CNOT10: variants seen among roughly 807,000 people sequenced by gnomAD.
The protein encoded by CNOT10 is CCR4-NOT transcription complex, subunit 10.
CNOT10 carries 30 observed loss-of-function variants against 94.6 expected under a neutral mutation model. The observed-to-expected ratio is 0.32, with a 90% confidence interval of 0.24 to 0.43. The LOEUF is 0.43. CNOT10 is among the 20% of genes least tolerant of loss of function. The pLI, the probability that CNOT10 is intolerant of heterozygous loss-of-function variation, is 1.00. For synonymous variants in CNOT10, 289 were observed against 301.6 expected (o/e 0.96, Z 0.43); for missense variants, 759 against 877.2 (o/e 0.87, Z 1.70).
chr3:32,703,359 G>A (rs1470576642), intron 1 of CNOT10, among the ~76,000 whole-genome samples: 1 of 152,166 alleles, frequency 6.6e-6, no homozygotes, highest in South Asian at 2.1e-4. Flanking sequence ...AGGGTCCTCC[G>A]GTGGATACTT....
At chr3:32,755,051 A>T (rs2125622005) in intron 13 of CNOT10, among the ~76,000 whole-genome samples, 1 of 151,516 alleles carries the variant, frequency 6.6e-6, no homozygotes, top group Non-Finnish European at 1.5e-5. Context: ...GTTCGAGACC[A>T]GCCTGGCCAA....
At chr3:32,771,898 G>A (rs1700923531) in intron 18 of CNOT10, among the ~76,000 whole-genome samples, 1 of 152,196 alleles carries the variant, frequency 6.6e-6, no homozygotes, top group South Asian at 2.1e-4. Context: ...TTTACAGTAA[G>A]CCAGTTCTTG....
At chr3:32,722,010 T>C (rs576345558) in intron 8 of CNOT10, among the ~76,000 whole-genome samples, 2 of 152,294 alleles carry the variant, frequency 1.3e-5, no homozygotes, top group African/African-American at 4.8e-5. Flanking sequence ...TTGATACTAA[T>C]GATAATATGA....
At chr3:32,742,065 C>T (rs1271815365) in intron 13 of CNOT10, among the ~76,000 whole-genome samples, 3 of 151,334 alleles carry the variant, frequency 2.0e-5, no homozygotes, top group African/African-American at 4.9e-5. Context: ...AAGCAGTTCT[C>T]CTGCCTCAGC....
intron 7 of CNOT10, among the ~76,000 whole-genome samples, chr3:32,717,833 G>A (rs1057471630): frequency 2.0e-5 from 3 of 151,992 alleles, no homozygotes; most frequent in South Asian, 2.1e-4. Context: ...GTCATTTCAC[G>A]CTAGCCTGGG....
chr3:32,769,975 C>G lies in CNOT10; in HGVS notation c.2080+13C>G. ...GAACTGCAGAATGGTGAGTAATTCT[C>G]TCTGTTTAGGACTTTATCCCTTGAA... On this transcript the variant is annotated intron_variant, in intron 18 of 18. Transcript: ENST00000328834. The G allele has an allele frequency of 6.2e-7, 1 of 1,602,638 alleles. No homozygotes were observed. Among genetic ancestry groups the G allele is most frequent in the East Asian group, 2.2e-5 (1 of 44,790 alleles).
At chr3:32,692,688 A>G (rs554676733) in intron 1 of CNOT10, among the ~76,000 whole-genome samples, 4 of 152,278 alleles carry the variant, frequency 2.6e-5, no homozygotes, top group African/African-American at 7.2e-5. Context: ...GAGGGTTACA[A>G]AATGATTTTT....
chr3:32,741,026 G>A (rs1009823848), intron 13 of CNOT10, among the ~76,000 whole-genome samples: 8 of 151,888 alleles, frequency 5.3e-5, no homozygotes, highest in Admixed American at 6.6e-5. Context: ...TTATTACTAC[G>A]AAAGATCCCT....
intron 13 of CNOT10, among the ~76,000 whole-genome samples, chr3:32,744,717 C>A (rs1414103620): frequency 6.6e-6 from 1 of 152,014 alleles, no homozygotes; most frequent in Non-Finnish European, 1.5e-5. Flanking sequence ...TATAATGGAT[C>A]AAGAAAGTTA....
In CNOT10 at chr3:32,733,560, AG is replaced by A. The variant is rs1281917651; in HGVS notation, c.1337+17del. 1 of 1,473,240 alleles carries A rather than the reference AG, an allele frequency of 6.8e-7. No homozygotes were observed. The highest frequency in any genetic ancestry group is 2.3e-5 in the East Asian group (1 of 43,216). 91.3% of individuals were successfully genotyped at this position (1,473,240 alleles called of 1,614,324 possible). A position where few individuals can be genotyped will look rare whatever the true frequency, so the allele number is the denominator to read the frequency against. On this transcript the variant is annotated intron_variant, in intron 11 of 18. Coordinates refer to ENST00000328834, the MANE Select transcript of CNOT10 (RefSeq NM_015442.3). ...CTGTTTATAAGTAAGTATTTTGCAA[AG>A]AAAAAGTGTATATATATTTAATACT... is the stretch of plus-strand genomic sequence containing the variant.
rs527450804 is a variant in CNOT10 at position 32,709,045 on chromosome 3, G to A, written c.430+225G>A. On this transcript the variant is annotated intron_variant, in intron 4 of 18. Transcript: ENST00000328834. ...TAACTGTTAAAAATGCTGTTGGAAA[G>A]TGCTGAAAACACTTAGTGATGTTTG... Among the ~76,000 whole-genome samples the A allele has an allele frequency of 4.8e-4, 73 of 152,346 alleles. 1 individual carries two copies. The South Asian group carries it at 0.015, about 32-fold the overall frequency.
At chr3:32,773,006 C>T (rs542045876) in intron 18 of CNOT10, among the ~76,000 whole-genome samples, 9 of 152,286 alleles carry the variant, frequency 5.9e-5, no homozygotes, top group Admixed American at 4.6e-4. Flanking sequence ...GCTGGGACTA[C>T]AGGCATGCAC....
chr3:32,713,099 A>T, intron 4 of CNOT10, 128 bp from the exon 5 acceptor site: 1 of 659,924 alleles, frequency 1.5e-6, no homozygotes, highest in Non-Finnish European at 2.4e-6. Context: ...TCTAGGTGAT[A>T]GGCATTCATT....
intron 13 of CNOT10, chr3:32,753,177 A>G (rs1700039793): frequency 3.1e-6 from 2 of 649,106 alleles, no homozygotes; most frequent in East Asian, 3.2e-5. Context: ...TGTGAATACT[A>G]TGAAAAAAAC....
At position 32,708,694 on chromosome 3, in the gene CNOT10, G is replaced by A. The variant is rs1697734133; in HGVS notation, c.304G>A (p.Asp102Asn). The change falls in exon 4 of 19, where the codon GAT becomes AAT. Residue 102 changes from aspartate (D) to asparagine (N), a missense_variant. This residue lies in a region of CNOT10 where 682 missense variants were observed against 799.4 expected (regional missense o/e 0.85). Coordinates refer to ENST00000328834, the MANE Select transcript of CNOT10 (RefSeq NM_015442.3). ...NQVHSAVEEM[D>N]GLDDVENSML... Reference sequence around the variant, plus strand: ...GGTCCACTCAGCTGTTGAAGAAATGGATGGATTAGATGATGTTGAAAACAG... The same window carrying A: ...GGTCCACTCAGCTGTTGAAGAAATGAATGGATTAGATGATGTTGAAAACAG... 2 of 1,612,030 alleles carry A rather than the reference G, an allele frequency of 1.2e-6. No homozygotes were observed. Among genetic ancestry groups the A allele is most frequent in the Admixed American group, 1.7e-5 (1 of 59,356 alleles).
intron 7 of CNOT10, among the ~76,000 whole-genome samples, chr3:32,719,658 CT>C (rs35948264): frequency 4.6e-5 from 7 of 151,678 alleles, no homozygotes; most frequent in East Asian, 1.9e-4. Flanking sequence ...TAGAATGGCA[CT>C]TTTTTTTTCC....
At chr3:32,696,315 CA>C (rs372144615) in intron 1 of CNOT10, among the ~76,000 whole-genome samples, 104 of 132,306 alleles carry the variant, frequency 7.9e-4, no homozygotes, top group Non-Finnish European at 7.0e-4. Flanking sequence ...GACTCCGTCT[CA>C]AAAAAAAAAA....
rs577815338 is a variant in CNOT10 at position 32,718,670 on chromosome 3, T to C, written c.744+1433T>C. On this transcript the variant is annotated intron_variant, in intron 7 of 18. Transcript: ENST00000328834. ...AAAGACAATTGAAAATTAATAGTCA[T>C]CCTAAATCGGCGAAAACTTCAGGAG... 2.0e-5 allele frequency among the ~76,000 whole-genome samples: 3 copies of C among 148,854 alleles called. No homozygotes were observed. The South Asian group carries it at 6.6e-4, about 33-fold the overall frequency.
intron 1 of CNOT10, among the ~76,000 whole-genome samples, chr3:32,694,635 G>T (rs551679764): frequency 5.9e-5 from 9 of 152,154 alleles, no homozygotes; most frequent in African/African-American, 1.9e-4. Context: ...TGTTGCCTAG[G>T]CTGGAGTGCA....
Sources: allele counts gnomAD v4.1 joint callset (sites outside exome capture counted in the v4.1 genomes callset), GRCh38; gene constraint gnomAD v4.1.1; regional missense constraint gnomAD v4.1.1; transcripts MANE v1.5; gene names NCBI Gene and HGNC (gene_info 2026-07-23, HGNC 2026-07-21).